RBFOX1: variants seen among roughly 807,000 people sequenced by gnomAD.
RBFOX1 encodes RNA binding fox-1 homolog 1.
In RBFOX1, 8 loss-of-function variants were observed where a neutral mutation model predicts 57.7. The ratio of observed to expected loss-of-function variants is 0.14; its 90% CI spans 0.08 to 0.25. RBFOX1 has a LOEUF of 0.25. Ranked by LOEUF, RBFOX1 falls within the 10% of genes least tolerant of loss-of-function variation. The pLI is 1.00. For missense variants in RBFOX1, 611 were observed against 548.5 expected (o/e 1.11, Z -1.14); for synonymous variants, 326 against 222.4 (o/e 1.47, Z -4.15).
chr16:5,658,208 C>A (rs1467937573), intron 3 of RBFOX1, among the ~76,000 whole-genome samples: 1 of 152,144 alleles, frequency 6.6e-6, no homozygotes, highest in Non-Finnish European at 1.5e-5. Context: ...ATGATTTCTT[C>A]TCTTTTGTTA....
At position 5,897,016 on chromosome 16, in the gene RBFOX1, C is replaced by CTTTTTTTTTTTTTTTTTT. The variant is rs575235024; in HGVS notation, c.351+29694_351+29711dup. ...CCCCCACTAAAAATGTATCCATCCG[C>CTTTTTTTTTTTTTTTTTT]TTTTTTTTTTTTTTTTTTTTTTTTT... is the stretch of plus-strand genomic sequence containing the variant. On this transcript the variant is annotated intron_variant, in intron 4 of 19. Coordinates refer to the RBFOX1 transcript ENST00000641259. Among the ~76,000 whole-genome samples the CTTTTTTTTTTTTTTTTTT allele has an allele frequency of 1.4e-3, 77 of 56,468 alleles. 12 individuals carry two copies. Among genetic ancestry groups the CTTTTTTTTTTTTTTTTTT allele is most frequent in the East Asian group, 2.0e-3 (3 of 1,506 alleles). The allele number at this position is 56,468 out of a possible 152,430, so 37.0% of individuals were successfully genotyped here. A position where few individuals can be genotyped will look rare whatever the true frequency, so the allele number is the denominator to read the frequency against.
At chr16:6,823,428 T>G (rs763052728) in intron 3 of RBFOX1, among the ~76,000 whole-genome samples, 16 of 152,036 alleles carry the variant, frequency 1.1e-4, no homozygotes, top group Non-Finnish European at 1.9e-4. Context: ...GGCTAATTTT[T>G]GTATTTTTAA....
At chr16:5,594,195 C>T (rs1199423755) in intron 2 of RBFOX1, among the ~76,000 whole-genome samples, 4 of 152,148 alleles carry the variant, frequency 2.6e-5, no homozygotes, top group Non-Finnish European at 4.4e-5. Context: ...CTTCTGTTAA[C>T]CTGTAGGATG....
intron 14 of RBFOX1, among the ~76,000 whole-genome samples, chr16:7,696,587 G>A (rs1201767683): frequency 6.6e-6 from 1 of 150,720 alleles, no homozygotes; most frequent in East Asian, 1.9e-4. Context: ...TGGGTGTCAG[G>A]AACTGTTCTA....
chr16:6,901,183 T>C (rs1285966852), intron 3 of RBFOX1, among the ~76,000 whole-genome samples: 1 of 152,172 alleles, frequency 6.6e-6, no homozygotes, highest in Non-Finnish European at 1.5e-5. Flanking sequence ...AACATAGGTA[T>C]TCAATAAATA....
At chr16:5,516,145 C>T (rs1430155125) in intron 2 of RBFOX1, among the ~76,000 whole-genome samples, 1 of 152,170 alleles carries the variant, frequency 6.6e-6, no homozygotes, top group Non-Finnish European at 1.5e-5. Context: ...GTGTCTGGTC[C>T]TGAGACAAAG....
chr16:6,843,530 TAAAAA>T (rs201653205), intron 3 of RBFOX1, among the ~76,000 whole-genome samples: 1 of 150,638 alleles, frequency 6.6e-6, no homozygotes, highest in African/African-American at 2.4e-5. Flanking sequence ...GTACTAAAAA[TAAAAA>T]AAAATTATCT....
chr16:5,803,943 A>G (rs749631601), intron 3 of RBFOX1, among the ~76,000 whole-genome samples: 4 of 152,098 alleles, frequency 2.6e-5, no homozygotes, highest in African/African-American at 4.8e-5. Flanking sequence ...GTCCATCCCA[A>G]TTCATGCCCT....
intron 3 of RBFOX1, among the ~76,000 whole-genome samples, chr16:6,966,548 T>C (rs8044835): frequency 6.6e-6 from 1 of 151,966 alleles, no homozygotes; most frequent in Non-Finnish European, 1.5e-5. Flanking sequence ...GATCGAGTTA[T>C]GCAATGTCTT....
chr16:6,930,643 T>C (rs372623252), intron 3 of RBFOX1, among the ~76,000 whole-genome samples: 2 of 152,194 alleles, frequency 1.3e-5, no homozygotes, highest in African/African-American at 4.8e-5. Flanking sequence ...CTCCTCACCT[T>C]AGGTGATCCG....
At chr16:6,963,864 A>G (rs1194990966) in intron 3 of RBFOX1, among the ~76,000 whole-genome samples, 1 of 151,372 alleles carries the variant, frequency 6.6e-6, no homozygotes, top group African/African-American at 2.4e-5. Context: ...ACGCCTGGCT[A>G]ATTTTTTGTA....
chr16:6,783,505 A>G (rs931693878), intron 3 of RBFOX1, among the ~76,000 whole-genome samples: 54 of 151,810 alleles, frequency 3.6e-4, no homozygotes, highest in African/African-American at 1.2e-3. Context: ...TCTGGTCACA[A>G]AGAAAAAACA....
chr16:7,019,936 G>A (rs1255277299), intron 3 of RBFOX1, among the ~76,000 whole-genome samples: 1 of 150,278 alleles, frequency 6.7e-6, no homozygotes, highest in Non-Finnish European at 1.5e-5. Flanking sequence ...TCCACATTTT[G>A]TTCTCTCCAC....
rs879931257 is a variant in RBFOX1, at chr16:5,940,373, C to T, written c.351+73038C>T. Reference sequence around the variant, plus strand: ...GCATGCCCTAAGAGCCCAATGTTCACGTTCTCATTTGATCCTCCTATTAGC... The same window carrying T: ...GCATGCCCTAAGAGCCCAATGTTCATGTTCTCATTTGATCCTCCTATTAGC... On this transcript the variant is annotated intron_variant, in intron 4 of 19. Transcript: ENST00000641259. Among the ~76,000 whole-genome samples the T allele has an allele frequency of 1.7e-4, 26 of 152,158 alleles. No individual in the cohort carries two copies. The East Asian group carries it at 2.3e-3, about 14-fold the overall frequency.
chr16:6,431,324 G>A (rs886422453), intron 2 of RBFOX1, among the ~76,000 whole-genome samples: 1 of 151,912 alleles, frequency 6.6e-6, no homozygotes, highest in African/African-American at 2.4e-5. Context: ...TTCTAGCATA[G>A]GTGAGGCAGG....
chr16:6,958,624 T>G (rs55796561), intron 3 of RBFOX1, among the ~76,000 whole-genome samples: 6,538 of 152,276 alleles, frequency 0.043, 182 homozygotes, highest in East Asian at 0.084. Flanking sequence ...AGAGTAGGGA[T>G]GTGATGCTAT....
Position 6,562,836 on chromosome 16 carries a change from CTTTCTTTCTTTCTTTCTTTCTT to C in RBFOX1, c.-63-91765_-63-91744del, listed in dbSNP as rs1567693135. On this transcript the variant is annotated intron_variant, in intron 2 of 15. Transcript: ENST00000550418. ...GCAGGCCTTGATTCTTGATTCTTTT[CTTTCTTTCTTTCTTTCTTTCTT>C]TCTTTCTTTCTTTCTTTCTTTCTTT... 1.2e-3 allele frequency among the ~76,000 whole-genome samples: 44 copies of C among 37,936 alleles called. 8 individuals carry two copies. The highest frequency in any genetic ancestry group is 3.8e-3 in the African/African-American group (39 of 10,178). The allele number at this position is 37,936 out of a possible 152,430, so 24.9% of individuals were successfully genotyped here.
intron 4 of RBFOX1, among the ~76,000 whole-genome samples, chr16:7,266,771 GA>G (rs138797170): frequency 0.038 from 5,718 of 151,876 alleles, 164 homozygotes; most frequent in East Asian, 0.13. Context: ...GCTACAAAGG[GA>G]AAAAAAATAA....
chr16:7,022,546 A>C (rs1044422631), intron 3 of RBFOX1, among the ~76,000 whole-genome samples: 1 of 152,060 alleles, frequency 6.6e-6, no homozygotes, highest in South Asian at 2.1e-4. Flanking sequence ...GGCCTTTTTC[A>C]TGATAACCCT....
Sources: gnomAD v4.1 joint callset for allele counts (sites outside exome capture counted in the v4.1 genomes callset) on GRCh38, gnomAD v4.1.1 for gene constraint, MANE v1.5 for transcripts, NCBI Gene and HGNC (gene_info 2026-07-23, HGNC 2026-07-21) for gene names.